CPA6: variants seen among roughly 807,000 people sequenced by gnomAD.
CPA6 encodes carboxypeptidase B.
A neutral mutation model predicts 63.3 loss-of-function variants in CPA6; 58 were observed. The ratio of observed to expected loss-of-function variants is 0.92; its 90% confidence interval spans 0.74 to 1.14. The LOEUF is 1.14. Among genes scored for constraint, CPA6 ranks in the 50% most tolerant of loss-of-function variants. CPA6 has a pLI of 0.00. For missense variants in CPA6, 565 were observed against 526.6 expected (o/e 1.07, Z -0.71); for synonymous variants, 185 against 179.0 (o/e 1.03, Z -0.27).
intron 8 of CPA6, among the ~76,000 whole-genome samples, chr8:67,480,734 G>A (rs1447850926): frequency 1.3e-5 from 2 of 151,900 alleles, no homozygotes; most frequent in Non-Finnish European, 2.9e-5. Context: ...TAACTTTTTA[G>A]GGAAATGCCA....
At chr8:67,503,970 T>C (rs1264411101) in intron 6 of CPA6, among the ~76,000 whole-genome samples, 2 of 152,118 alleles carry the variant, frequency 1.3e-5, no homozygotes, top group African/African-American at 4.8e-5. Flanking sequence ...GTTCTCATTG[T>C]TCAACTCCCA....
At chr8:67,546,978 C>G (rs145573364) in intron 2 of CPA6, among the ~76,000 whole-genome samples, 1 of 152,342 alleles carries the variant, frequency 6.6e-6, no homozygotes, top group African/African-American at 2.4e-5. Flanking sequence ...GTGTGAGCCA[C>G]TGCACCCAGC....
chr8:67,643,485 T>C (rs1259800750), intron 1 of CPA6, among the ~76,000 whole-genome samples: 11 of 152,156 alleles, frequency 7.2e-5, no homozygotes, highest in Admixed American at 4.6e-4. Flanking sequence ...TAATGTATAA[T>C]TACATTTTTA....
intron 1 of CPA6, among the ~76,000 whole-genome samples, chr8:67,673,385 T>TTTA (rs1554532398): frequency 4.4e-4 from 59 of 133,230 alleles, no homozygotes; most frequent in African/African-American, 1.9e-3. Flanking sequence ...TTATTATTTA[T>TTTA]TTATTTTTTT....
At chr8:67,464,341 A>G (rs1404000505) in intron 8 of CPA6, among the ~76,000 whole-genome samples, 3 of 152,022 alleles carry the variant, frequency 2.0e-5, no homozygotes, top group Non-Finnish European at 4.4e-5. Context: ...ATGTCTGTTC[A>G]TATCTTTTGC....
chr8:67,564,341 G>T (rs1288583178), intron 2 of CPA6, among the ~76,000 whole-genome samples: 1 of 151,660 alleles, frequency 6.6e-6, no homozygotes, highest in African/African-American at 2.4e-5. Flanking sequence ...GTTTGTTTGG[G>T]GTTTCTTTTT....
intron 7 of CPA6, among the ~76,000 whole-genome samples, chr8:67,484,290 T>C (rs138492955): frequency 2.0e-5 from 3 of 152,202 alleles, no homozygotes; most frequent in African/African-American, 7.2e-5. Context: ...GCCAGGATGG[T>C]CTCGATCTCC....
intron 2 of CPA6, among the ~76,000 whole-genome samples, chr8:67,563,677 G>C (rs1671965594): frequency 6.6e-6 from 1 of 152,126 alleles, no homozygotes; most frequent in Non-Finnish European, 1.5e-5. Flanking sequence ...AAAAAGATCT[G>C]AGATTGTATA....
rs61666997 is a variant in CPA6 at position 67,630,110 on chromosome 8, A to AAATAATAATAATAATAATAAT, written c.117-5880_117-5860dup. On this transcript the variant is annotated intron_variant, in intron 1 of 10. Transcript: ENST00000297770. The stretch of plus-strand genomic sequence containing the variant: ...ACAGAGTGAGAATCTGTCTCAATTA[A>AAATAATAATAATAATAATAAT]AATAATAATAATAATAATAATAATA... Among the ~76,000 whole-genome samples, 403 of 144,868 alleles carry AAATAATAATAATAATAATAAT rather than the reference A, an allele frequency of 2.8e-3. 2 individuals carry two copies. The highest frequency in any genetic ancestry group is 9.0e-3 in the East Asian group (45 of 5,006).
At chr8:67,671,635 G>A (rs1045135465) in intron 1 of CPA6, among the ~76,000 whole-genome samples, 1 of 152,124 alleles carries the variant, frequency 6.6e-6, no homozygotes, top group Non-Finnish European at 1.5e-5. Context: ...TGCATAGTTT[G>A]CTTCAGAAGC....
At chr8:67,655,123 G>A (rs1230605328) in intron 1 of CPA6, among the ~76,000 whole-genome samples, 2 of 152,150 alleles carry the variant, frequency 1.3e-5, no homozygotes, top group African/African-American at 4.8e-5. Context: ...CAACCAGGCA[G>A]TCCTTGAATG....
chr8:67,505,554 T>C (rs1326192517), intron 6 of CPA6, among the ~76,000 whole-genome samples: 1 of 152,192 alleles, frequency 6.6e-6, no homozygotes, highest in Non-Finnish European at 1.5e-5. Context: ...TGTGTTGATA[T>C]GTATACATTG....
chr8:67,694,289 C>G (rs1431148387), intron 1 of CPA6, among the ~76,000 whole-genome samples: 1 of 152,226 alleles, frequency 6.6e-6, no homozygotes, highest in East Asian at 1.9e-4. Flanking sequence ...AGGTAAATCA[C>G]AGCATAGGCT....
At chr8:67,439,622 G>C (rs553575393) in intron 8 of CPA6, among the ~76,000 whole-genome samples, 2 of 151,110 alleles carry the variant, frequency 1.3e-5, no homozygotes, top group Non-Finnish European at 3.0e-5. Context: ...GAAAAAGAAA[G>C]AAAAGAAACA....
At chr8:67,557,325 C>A (rs1345885428) in intron 2 of CPA6, among the ~76,000 whole-genome samples, 1 of 152,108 alleles carries the variant, frequency 6.6e-6, no homozygotes, top group East Asian at 1.9e-4. Flanking sequence ...CTGCTCCCAC[C>A]CATTGAGTTG....
chr8:67,734,847 C>A (rs1345239641), intron 1 of CPA6, among the ~76,000 whole-genome samples: 4 of 152,098 alleles, frequency 2.6e-5, no homozygotes, highest in South Asian at 4.1e-4. Flanking sequence ...GAAAAAGGAA[C>A]CTAGTTGACA....
intron 8 of CPA6, among the ~76,000 whole-genome samples, chr8:67,469,079 C>A (rs1453899421): frequency 6.6e-6 from 1 of 152,184 alleles, no homozygotes; most frequent in Non-Finnish European, 1.5e-5. Flanking sequence ...AGTGTGAATA[C>A]ATGTGTGCGT....
chr8:67,634,228 T>G (rs1236547535), intron 1 of CPA6, among the ~76,000 whole-genome samples: 2 of 126,024 alleles, frequency 1.6e-5, no homozygotes, highest in African/African-American at 6.4e-5. Context: ...TATTTATTTG[T>G]TTTTTTTTTG....
intron 8 of CPA6, among the ~76,000 whole-genome samples, chr8:67,477,628 T>G (rs559258317): frequency 6.6e-6 from 1 of 152,344 alleles, no homozygotes; most frequent in Non-Finnish European, 1.5e-5. Context: ...GTTAGAGTCA[T>G]CACTAACAGA....
Sources: gnomAD v4.1 joint callset for allele counts (sites outside exome capture counted in the v4.1 genomes callset) on GRCh38, gnomAD v4.1.1 for gene constraint, MANE v1.5 for transcripts, NCBI Gene and HGNC (gene_info 2026-07-23, HGNC 2026-07-21) for gene names.